The following SYK variants were observed in gnomAD, a reference collection of about 807,000 sequenced individuals.
SYK encodes spleen associated tyrosine kinase, also known as tyrosine-protein kinase SYK.
In SYK, 16 loss-of-function variants were observed where a neutral mutation model predicts 77.8. That is an observed-to-expected ratio of 0.21 (90% CI 0.14 to 0.31). The LOEUF (loss-of-function observed/expected upper bound fraction) is 0.31. Among genes scored for constraint, SYK ranks in the 10% least tolerant of loss-of-function variants. SYK has a pLI of 1.00. For missense variants in SYK, 529 were observed against 814.4 expected (o/e 0.65, Z 4.26); for synonymous variants, 312 against 308.7 (o/e 1.01, Z -0.11).
intron 1 of SYK, among the ~76,000 whole-genome samples, chr9:90,841,780 G>T: frequency 6.7e-6 from 1 of 149,698 alleles, no homozygotes; most frequent in Admixed American, 6.7e-5. Flanking sequence ...TGTAGTACAT[G>T]GTGTGTGTAG....
At chr9:90,846,197 T>G (rs1055065517) in intron 3 of SYK, among the ~76,000 whole-genome samples, 2 of 152,196 alleles carry the variant, frequency 1.3e-5, no homozygotes, top group Non-Finnish European at 2.9e-5. Flanking sequence ...GCCAACGTGG[T>G]CAGTCAGTTG....
intron 6 of SYK, among the ~76,000 whole-genome samples, chr9:90,866,594 G>C (rs1293653868): frequency 6.6e-6 from 1 of 152,176 alleles, no homozygotes; most frequent in Non-Finnish European, 1.5e-5. Flanking sequence ...ACTCTTAAAA[G>C]AATGTCAAGC....
chr9:90,885,425 AAAAG>A (rs1330974731), intron 11 of SYK, among the ~76,000 whole-genome samples: 1 of 152,224 alleles, frequency 6.6e-6, no homozygotes, highest in Admixed American at 6.5e-5. Context: ...TAGATCAGGC[AAAAG>A]AAAGAATCTC....
chr9:90,849,217 C>G (rs1826722707), intron 3 of SYK, among the ~76,000 whole-genome samples: 1 of 152,186 alleles, frequency 6.6e-6, no homozygotes, highest in South Asian at 2.1e-4. Context: ...GGGAGTTGTG[C>G]CTGTACATAT....
At chr9:90,822,237 T>C (rs1256052279) in intron 1 of SYK, among the ~76,000 whole-genome samples, 1 of 152,256 alleles carries the variant, frequency 6.6e-6, no homozygotes, top group African/African-American at 2.4e-5. Context: ...TCGAAACAGT[T>C]GAACTGTTTT....
chr9:90,840,373 G>A (rs971292213), intron 1 of SYK, among the ~76,000 whole-genome samples: 3 of 152,054 alleles, frequency 2.0e-5, no homozygotes, highest in Non-Finnish European at 4.4e-5. Flanking sequence ...TTGGAGGCCC[G>A]AGAAGACCCA....
intron 3 of SYK, among the ~76,000 whole-genome samples, chr9:90,858,070 ACTT>A (rs1048930607): frequency 4.2e-4 from 64 of 152,258 alleles, no homozygotes; most frequent in African/African-American, 1.5e-3. Flanking sequence ...GTGCCTCACT[ACTT>A]CTTACATCCT....
At chr9:90,844,585 C>A (rs1826510139) in intron 2 of SYK, among the ~76,000 whole-genome samples, 1 of 152,218 alleles carries the variant, frequency 6.6e-6, no homozygotes, top group Non-Finnish European at 1.5e-5. Flanking sequence ...CAAGGAGGGC[C>A]TTTTCAGAGA....
At chr9:90,866,763 C>A (rs1313141704) in intron 6 of SYK, among the ~76,000 whole-genome samples, 1 of 152,160 alleles carries the variant, frequency 6.6e-6, no homozygotes, top group Non-Finnish European at 1.5e-5. Flanking sequence ...GGAACCAGCA[C>A]CCACCATGAA....
chr9:90,879,136 AC>A (rs1828054115), intron 11 of SYK, among the ~76,000 whole-genome samples, 183 bp downstream of exon 11: 1 of 152,254 alleles, frequency 6.6e-6, no homozygotes, highest in Non-Finnish European at 1.5e-5. Flanking sequence ...ATAATATCAC[AC>A]CTTGAGATTT....
At chr9:90,857,542 T>C (rs1213870729) in intron 3 of SYK, among the ~76,000 whole-genome samples, 6 of 152,324 alleles carry the variant, frequency 3.9e-5, no homozygotes, top group African/African-American at 1.4e-4. Context: ...TGTGTACTGA[T>C]CTTGCTCTTC....
intron 10 of SYK, 46 bp from the exon 11 acceptor site, chr9:90,878,718 A>G: frequency 6.6e-7 from 1 of 1,525,132 alleles, no homozygotes; most frequent in Non-Finnish European, 9.0e-7. Flanking sequence ...TTGTTGTGAA[A>G]TGGGTCACTG....
chr9:90,829,284 G>A (rs774861621), intron 1 of SYK, among the ~76,000 whole-genome samples: 3 of 133,052 alleles, frequency 2.3e-5, no homozygotes, highest in Non-Finnish European at 3.2e-5. Context: ...ATAAGACTCC[G>A]TCTCAAAAAA....
intron 1 of SYK, among the ~76,000 whole-genome samples, chr9:90,803,849 T>A (rs547586519): frequency 3.3e-5 from 5 of 152,322 alleles, no homozygotes; most frequent in African/African-American, 1.2e-4. Flanking sequence ...TACATGCCAT[T>A]CCAATATAGT....
intron 1 of SYK, among the ~76,000 whole-genome samples, chr9:90,809,301 C>T (rs752350710): frequency 1.4e-4 from 22 of 152,300 alleles, no homozygotes; most frequent in East Asian, 1.9e-4. Flanking sequence ...CGATTAGAAA[C>T]GGGCTCAGAA....
intron 7 of SYK, among the ~76,000 whole-genome samples, chr9:90,870,335 C>T (rs1827682612): frequency 6.6e-6 from 1 of 152,156 alleles, no homozygotes; most frequent in Admixed American, 6.5e-5. Context: ...AACTTTTCAG[C>T]TTTGCATTTC....
At chr9:90,865,558 T>A (rs1476184858) in intron 6 of SYK, among the ~76,000 whole-genome samples, 1 of 152,116 alleles carries the variant, frequency 6.6e-6, no homozygotes, top group Non-Finnish European at 1.5e-5. Flanking sequence ...ATCCTCCTGC[T>A]TCGACCTCCC....
intron 3 of SYK, among the ~76,000 whole-genome samples, chr9:90,846,289 C>A (rs559895068): frequency 3.8e-4 from 58 of 152,330 alleles, no homozygotes; most frequent in African/African-American, 1.3e-3. Context: ...CTCAGTGGGG[C>A]AGTTGTCCCT....
chr9:90,817,882 T>TGTGTGTGTGTGTGTGA (rs1302553724), intron 1 of SYK, among the ~76,000 whole-genome samples: 99 of 66,892 alleles, frequency 1.5e-3, no homozygotes, highest in Middle Eastern at 0.012. Context: ...TGTGTGTGTG[T>TGTGTGTGTGTGTGTGA]GAGAGAGAGA....
Sources: allele counts gnomAD v4.1 joint callset (sites outside exome capture counted in the v4.1 genomes callset), GRCh38; gene constraint gnomAD v4.1.1; transcripts MANE v1.5; gene names NCBI Gene and HGNC (gene_info 2026-07-23, HGNC 2026-07-21).